Variants in GUCY2D observed in about 807,000 individuals in gnomAD.
GUCY2D encodes guanylate cyclase 2D, retinal.
In GUCY2D, 70 loss-of-function variants were observed where a neutral mutation model predicts 101.3. That is an observed-to-expected ratio of 0.69 (90% CI 0.57 to 0.84). The LOEUF (loss-of-function observed/expected upper bound fraction) is 0.84. GUCY2D is among the 40% of genes least tolerant of loss of function. The pLI, the probability that GUCY2D is intolerant of heterozygous loss-of-function variation, is 0.00. For missense variants in GUCY2D, 1,460 were observed against 1,542.5 expected (o/e 0.95, Z 0.90); for synonymous variants, 688 against 670.7 (o/e 1.03, Z -0.40).
intron 14 of GUCY2D, 138 bp from the exon 15 acceptor site, chr17:8,015,190 C>T: frequency 3.7e-6 from 4 of 1,066,902 alleles, no homozygotes; most frequent in Non-Finnish European, 1.4e-6. Flanking sequence ...ATTTATTCCT[C>T]CAGTCCCCAG....
Position 8,002,766 on chromosome 17 carries a change from G to T in GUCY2D, c.-10+32G>T. ...GTCAGAGGCCCCTCCGCTGGGATAG[G>T]GTCGGTCTGAGGGCGCAGGCGAGTC... On this transcript the variant is annotated intron_variant, in intron 1 of 19. Transcript: ENST00000254854. The surrounding 1 kb of genome is among the most constrained non-coding windows in gnomAD (Gnocchi z 4.9). 2.3e-6 allele frequency: 1 copy of T among 442,068 alleles called. No individual in the cohort carries two copies. Among genetic ancestry groups the T allele is most frequent in the Non-Finnish European group, 4.0e-6 (1 of 250,112 alleles). The allele number at this position is 442,068 out of a possible 1,614,324, so 27.4% of individuals were successfully genotyped here.
chr17:8,005,767 A>G (rs1416281566), intron 3 of GUCY2D, among the ~76,000 whole-genome samples: 1 of 152,186 alleles, frequency 6.6e-6, no homozygotes, highest in African/African-American at 2.4e-5. Flanking sequence ...TTGTACACTG[A>G]TACATCTTTA....
In GUCY2D at chr17:8,007,126, T is replaced by C; in HGVS notation, c.1445T>C (p.Phe482Ser). ...GTTGGGATGGGGCTGGCTGGGGCCT[T>C]CCTGGCCCATTATGTGAGGTGAGTA... Reference protein sequence around the residue: ...LVVGMGLAGAFLAHYVRHRLL... With the variant: ...LVVGMGLAGASLAHYVRHRLL... The change falls in exon 5 of 20, where the codon TTC becomes TCC. Residue 482 changes from phenylalanine to serine, a missense_variant. Phe to Ser is a radical substitution (Grantham distance 155). Coordinates refer to ENST00000254854, the MANE Select transcript of GUCY2D (RefSeq NM_000180.4). The C allele has an allele frequency of 1.2e-6, 2 of 1,612,530 alleles. No homozygotes were observed. The highest frequency in any genetic ancestry group is 2.2e-5 in the South Asian group (2 of 91,050).
Position 8,004,111 on chromosome 17 carries a change from G to A in GUCY2D, c.981G>A (p.Arg327=). The A allele has an allele frequency of 6.3e-7, 1 of 1,599,660 alleles. No homozygotes were observed. Among genetic ancestry groups the A allele is most frequent in the Non-Finnish European group, 8.5e-7 (1 of 1,178,480 alleles). ...GCAGCGTGCTGGACAGCCTGCGCAG[G>A]GCTCAAGAGCGCCGCGAGCTGCCCT... ...SEGSVLDSLR[R]AQERRELPSD... The change falls in exon 3 of 20, where the codon AGG becomes AGA. Residue 327 remains arginine (R), a synonymous_variant. Coordinates refer to ENST00000254854, the MANE Select transcript of GUCY2D (RefSeq NM_000180.4).
At position 8,003,133 on chromosome 17, in the gene GUCY2D, TC is replaced by T; in HGVS notation, c.91del (p.Arg31GlyfsTer54). The part of the protein sequence containing the change: ...PAWWAPSLPR[L>X]PRALPRLPLL... ...TGGTGGGCTCCGTCCCTGCCCCGCC[TC>T]CCCCGGGCCCTGCCCCGGCTCCCGC... is the stretch of plus-strand genomic sequence containing the variant. On this transcript the variant is annotated frameshift_variant, in exon 2 of 20. Transcript: ENST00000254854. LOFTEE classifies it high-confidence loss of function. 1.3e-6 allele frequency: 2 copies of T among 1,507,672 alleles called. No homozygotes were observed. The highest frequency in any genetic ancestry group is 1.4e-5 in the African/African-American group (1 of 69,472). The allele number at this position is 1,507,672 out of a possible 1,614,324, so 93.4% of individuals were successfully genotyped here.
In GUCY2D at chr17:8,016,534, G is replaced by T. The variant is rs934918297; in HGVS notation, c.*4G>T. The T allele has an allele frequency of 6.5e-7, 1 of 1,548,058 alleles. No homozygotes were observed. The highest frequency in any genetic ancestry group is 8.7e-7 in the Non-Finnish European group (1 of 1,144,080). Reference sequence around the variant, plus strand: ...GCGGCCGGGCCAGTTCTCTTGAGAAGTGAGGCCCGGCCCCGGACAGGTACT... The same window carrying T: ...GCGGCCGGGCCAGTTCTCTTGAGAATTGAGGCCCGGCCCCGGACAGGTACT... On this transcript the variant is annotated 3_prime_UTR_variant, in exon 19 of 20. Transcript: ENST00000254854.
chr17:8,003,069 G>A lies in GUCY2D; in HGVS notation c.22G>A (p.Ala8Thr). Residue 8 changes from alanine (A) to threonine (T), a missense_variant, in exon 2 of 20, where the codon GCG becomes ACG. Physicochemically the swap from Ala to Thr is moderately conservative, Grantham distance 58. Around this residue, in one of 3 missense-constraint regions of GUCY2D, gnomAD observed 1,196 missense variants for 1,229.6 expected, o/e 0.97. Coordinates refer to ENST00000254854, the MANE Select transcript of GUCY2D (RefSeq NM_000180.4). ...GGCAATGACCGCCTGCGCCCGCCGAGCGGGTGGGCTTCCGGACCCCGGGCT... is the reference window on the plus strand; with the variant it reads ...GGCAATGACCGCCTGCGCCCGCCGAACGGGTGGGCTTCCGGACCCCGGGCT... MTACARR[A>T]GGLPDPGLCG... 1 of 1,526,604 alleles carries A rather than the reference G, an allele frequency of 6.6e-7. No individual in the cohort carries two copies. The highest frequency in any genetic ancestry group is 8.7e-7 in the Non-Finnish European group (1 of 1,143,338). The allele number at this position is 1,526,604 out of a possible 1,614,324, so 94.6% of individuals were successfully genotyped here.
rs1975669280 is a variant in GUCY2D, at chr17:8,003,319, C to A, written c.272C>A (p.Ala91Glu). ...AARLNRDPGL[A>E]GGPRFEVALL... is the part of the protein sequence containing the mutation. ...CGCCTGAACCGCGACCCCGGCCTGG[C>A]AGGCGGTCCCCGCTTCGAGGTAGCG... Residue 91 changes from alanine (A) to glutamate (E), a missense_variant, in exon 2 of 20, where the codon GCA becomes GAA. This residue lies in a region of GUCY2D where 1,196 missense variants were observed against 1,229.6 expected (regional missense o/e 0.97). Coordinates refer to ENST00000254854, the MANE Select transcript of GUCY2D (RefSeq NM_000180.4). The A allele has an allele frequency of 1.3e-6, 2 of 1,483,146 alleles. No homozygotes were observed. Among genetic ancestry groups the A allele is most frequent in the Admixed American group, 2.3e-5 (1 of 43,426 alleles). 91.9% of individuals were successfully genotyped at this position (1,483,146 alleles called of 1,614,324 possible).
chr17:8,005,395 T>G (rs556748323), intron 3 of GUCY2D, among the ~76,000 whole-genome samples: 1 of 152,338 alleles, frequency 6.6e-6, no homozygotes, highest in South Asian at 2.1e-4. Flanking sequence ...TCTGTTGCCC[T>G]GGATAGATGC....
chr17:8,003,516 G>A lies in GUCY2D; in HGVS notation c.469G>A (p.Ala157Thr). ...GCCCTGGGGCTGCCCCTGGACGCAGGCGGAGGGCACCACGGCCCCTGCCGT... is the reference window on the plus strand; with the variant it reads ...GCCCTGGGGCTGCCCCTGGACGCAGACGGAGGGCACCACGGCCCCTGCCGT... ...LVPWGCPWTQ[A>T]EGTTAPAVTP... The change falls in exon 2 of 20, where the codon GCG becomes ACG. Residue 157 changes from alanine (A) to threonine (T), a missense_variant. Ala to Thr is a moderately conservative substitution (Grantham distance 58). This residue lies in a region of GUCY2D where 1,196 missense variants were observed against 1,229.6 expected (regional missense o/e 0.97). Coordinates refer to ENST00000254854, the MANE Select transcript of GUCY2D (RefSeq NM_000180.4). The A allele has an allele frequency of 1.3e-6, 2 of 1,536,018 alleles. No individual in the cohort carries two copies. The highest frequency in any genetic ancestry group is 1.7e-6 in the Non-Finnish European group (2 of 1,147,880).
intron 19 of GUCY2D, among the ~76,000 whole-genome samples, chr17:8,017,719 A>G (rs1235900209): frequency 2.0e-5 from 3 of 151,818 alleles, no homozygotes; most frequent in African/African-American, 7.3e-5. Flanking sequence ...TTTGAGTCTC[A>G]CTTTGTCACC....
Position 8,004,058 on chromosome 17 carries a change from A to T in GUCY2D, c.928A>T (p.Thr310Ser), listed in dbSNP as rs1975693780. ...QLRRAHDAVL[T>S]LTRHCPSEGS... Reference sequence around the variant, plus strand: ...TCGCAGGGCCCACGATGCCGTGCTCACCCTCACGCGCCACTGTCCCTCTGA... The same window carrying T: ...TCGCAGGGCCCACGATGCCGTGCTCTCCCTCACGCGCCACTGTCCCTCTGA... The change falls in exon 3 of 20, where the codon ACC becomes TCC. Residue 310 changes from threonine (T) to serine (S), a missense_variant. Thr to Ser is a moderately conservative substitution (Grantham distance 58, BLOSUM62 1). Coordinates refer to ENST00000254854, the MANE Select transcript of GUCY2D (RefSeq NM_000180.4). The T allele has an allele frequency of 6.2e-7, 1 of 1,607,686 alleles. No homozygotes were observed. Among genetic ancestry groups the T allele is most frequent in the African/African-American group, 1.3e-5 (1 of 74,726 alleles).
chr17:8,006,509 CG>C lies in GUCY2D; in HGVS notation c.1177del (p.Asp393ThrfsTer2). The C allele has an allele frequency of 6.2e-7, 1 of 1,609,708 alleles. No homozygotes were observed. The highest frequency in any genetic ancestry group is 8.5e-7 in the Non-Finnish European group (1 of 1,179,980). ...IRDAQVPGFC[G>X]DLGGDEEPPF... is the part of the protein sequence containing the mutation. Reference sequence around the variant, plus strand: ...GGGATGCGCAGGTCCCTGGCTTCTGCGGGGACCTAGGAGGAGACGAGGAGCC... The same window carrying C: ...GGGATGCGCAGGTCCCTGGCTTCTGCGGGACCTAGGAGGAGACGAGGAGCC... On this transcript the variant is annotated frameshift_variant, in exon 4 of 20. Transcript: ENST00000254854. LOFTEE classifies it high-confidence loss of function.
Position 8,008,485 on chromosome 17 carries a change from A to G in GUCY2D, c.1668+453A>G, listed in dbSNP as rs75837616. ...GAAAGTCACAAAAAAGTATTAGGAC[A>G]TTAACTTTGGGGCTGGTAAATCTGA... On this transcript the variant is annotated intron_variant, in intron 7 of 19. Transcript: ENST00000254854. Among the ~76,000 whole-genome samples the G allele has an allele frequency of 5.0e-3, 755 of 152,298 alleles. 5 individuals are homozygous for G. Among genetic ancestry groups the G allele is most frequent in the Non-Finnish European group, 8.6e-3 (587 of 68,012 alleles).
chr17:8,003,353 C>G lies in GUCY2D; in HGVS notation c.306C>G (p.Pro102=), dbSNP rs540877830. The G allele has an allele frequency of 1.8e-4, 271 of 1,469,656 alleles. 1 individual carries two copies. In the African/African-American group the frequency reaches 3.3e-3, roughly 18 times the overall value. The allele number at this position is 1,469,656 out of a possible 1,614,324, so 91.0% of individuals were successfully genotyped here. A position where few individuals can be genotyped will look rare whatever the true frequency, so the allele number is the denominator to read the frequency against. ...GGPRFEVALL[P]EPCRTPGSLG... ...CCCGCTTCGAGGTAGCGCTGCTGCC[C>G]GAGCCTTGCCGGACGCCGGGCTCGC... is the stretch of plus-strand genomic sequence containing the variant. The change falls in exon 2 of 20, where the codon CCC becomes CCG. Residue 102 remains proline, a synonymous_variant. Coordinates refer to ENST00000254854, the MANE Select transcript of GUCY2D (RefSeq NM_000180.4).
At chr17:8,009,453 C>A in intron 7 of GUCY2D, 53 bp from the exon 8 acceptor site, 2 of 1,123,726 alleles carry the variant, frequency 1.8e-6, no homozygotes, top group Non-Finnish European at 2.7e-6. Context: ...TAGGGCTCCC[C>A]ATCGTGGGAT....
At chr17:8,006,994 C>A (rs1286131906) in intron 4 of GUCY2D, 66 bp from the exon 5 acceptor site, 4 of 1,309,846 alleles carry the variant, frequency 3.1e-6, no homozygotes, top group Non-Finnish European at 4.4e-6. Flanking sequence ...ATGTGGCATG[C>A]CTCCCTAGAG....
chr17:8,013,440 C>A lies in GUCY2D; in HGVS notation c.2263+188C>A. On this transcript the variant is annotated intron_variant, in intron 11 of 19. Coordinates refer to ENST00000254854, the MANE Select transcript of GUCY2D (RefSeq NM_000180.4). This position sits in a 1 kb window ranked among gnomAD's most constrained non-coding sequence, Gnocchi z 5.0. The stretch of plus-strand genomic sequence containing the variant: ...CATGGCCAGGGTGGGGAGCGTGGTT[C>A]ATTAGGTCCCAGACCACAACAGCTT... 1.5e-6 allele frequency: 1 copy of A among 656,404 alleles called. No homozygotes were observed. Among genetic ancestry groups the A allele is most frequent in the Non-Finnish European group, 2.8e-6 (1 of 363,142 alleles). The allele number at this position is 656,404 out of a possible 1,614,324, so 40.7% of individuals were successfully genotyped here.
chr17:8,010,972 T>A (rs1975840742), intron 8 of GUCY2D, among the ~76,000 whole-genome samples: 1 of 152,042 alleles, frequency 6.6e-6, no homozygotes, highest in South Asian at 2.1e-4. Context: ...CTGTCTTCCC[T>A]AACTGAGGGA....
Sources: allele counts gnomAD v4.1 joint callset (sites outside exome capture counted in the v4.1 genomes callset), GRCh38; gene constraint gnomAD v4.1.1; regional missense constraint gnomAD v4.1.1; non-coding constraint Gnocchi (gnomAD v3.1); transcripts MANE v1.5; gene names NCBI Gene and HGNC (gene_info 2026-07-23, HGNC 2026-07-21).